The following CCNG2 variants were observed in gnomAD, a reference collection of about 807,000 sequenced individuals.
CCNG2 encodes cyclin-G2.
CCNG2 carries 20 observed loss-of-function variants against 36.5 expected under a neutral mutation model. The ratio of observed to expected loss-of-function variants is 0.55; its 90% CI spans 0.39 to 0.80. CCNG2 has a LOEUF of 0.80. Ranked by LOEUF, CCNG2 falls within the 30% of genes least tolerant of loss-of-function variation. The probability of loss-of-function intolerance (pLI) is 0.00; values close to 1 mark genes in which losing one functional copy is unlikely to be tolerated. For synonymous variants in CCNG2, 155 were observed against 140.1 expected (o/e 1.11, Z -0.75); for missense variants, 358 against 390.8 (o/e 0.92, Z 0.71).
At chr4:77,161,967 T>G (rs1447219828) in intron 6 of CCNG2, among the ~76,000 whole-genome samples, 1 of 150,826 alleles carries the variant, frequency 6.6e-6, no homozygotes, top group Non-Finnish European at 1.5e-5. Flanking sequence ...TTTCTGCATA[T>G]AGGTGCCCCT....
chr4:77,161,195 C>T (rs981946359), intron 4 of CCNG2, among the ~76,000 whole-genome samples: 21 of 148,610 alleles, frequency 1.4e-4, no homozygotes, highest in African/African-American at 4.2e-4. Context: ...CTCCACTTCC[C>T]GGGTTCAAGC....
Position 77,169,008 on chromosome 4 carries a change from T to C in CCNG2, c.*3084T>C, listed in dbSNP as rs1454523970. On this transcript the variant is annotated 3_prime_UTR_variant, in exon 8 of 8. Coordinates refer to ENST00000316355, the MANE Select transcript of CCNG2 (RefSeq NM_004354.3). Reference sequence around the variant, plus strand: ...TGCCTAGGTCCTGGGTCTTCATCTGTTTGGCTCTGCTACTGTTTCCTCCTC... The same window carrying C: ...TGCCTAGGTCCTGGGTCTTCATCTGCTTGGCTCTGCTACTGTTTCCTCCTC... 2 of 152,308 alleles carry C rather than the reference T, an allele frequency of 1.3e-5. No individual in the cohort carries two copies. Among genetic ancestry groups the C allele is most frequent in the Admixed American group, 1.3e-4 (2 of 15,274 alleles). 9.4% of individuals were successfully genotyped at this position (152,308 alleles called of 1,614,324 possible).
At chr4:77,161,623 T>A (rs752401767) in intron 5 of CCNG2, 26 bp from the exon 6 acceptor site, 31 of 1,562,594 alleles carry the variant, frequency 2.0e-5, no homozygotes, top group Non-Finnish European at 2.5e-5. Flanking sequence ...AAAAAATATT[T>A]TTCTTTTTTT....
chr4:77,162,376 A>ATTTTTT (rs35692387), intron 6 of CCNG2, among the ~76,000 whole-genome samples: 2 of 71,450 alleles, frequency 2.8e-5, no homozygotes, highest in Non-Finnish European at 5.2e-5. Context: ...GTACTTTGGG[A>ATTTTTT]TTTTTTTTTT....
chr4:77,163,779 ACTT>A (rs780932866), intron 6 of CCNG2, among the ~76,000 whole-genome samples: 14 of 152,322 alleles, frequency 9.2e-5, no homozygotes, highest in East Asian at 1.9e-4. Flanking sequence ...CATATCACTA[ACTT>A]CTTTAGTTTT....
In CCNG2 at chr4:77,166,534, T is replaced by A. The variant is rs543305039; in HGVS notation, c.*610T>A. Reference sequence around the variant, plus strand: ...ATATATGTAATGTCTTAATTGAGATTTCTGTTAAGGCAGAAATAATTAGGC... The same window carrying A: ...ATATATGTAATGTCTTAATTGAGATATCTGTTAAGGCAGAAATAATTAGGC... On this transcript the variant is annotated 3_prime_UTR_variant, in exon 8 of 8. Transcript: ENST00000316355. 1 of 152,342 alleles carries A rather than the reference T, an allele frequency of 6.6e-6. No individual in the cohort carries two copies. Among genetic ancestry groups the A allele is most frequent in the South Asian group, 2.1e-4 (1 of 4,828 alleles). 9.4% of individuals were successfully genotyped at this position (152,342 alleles called of 1,614,324 possible).
chr4:77,158,592 G>A lies in CCNG2; in HGVS notation c.60G>A (p.Leu20=), dbSNP rs1731338617. ...AGHEGVQLLG[L]LNVYLEQEER... ...ATGAAGGGGTCCAACTTCTCGGGTT[G>A]TTGAACGTCTACCTGGAACAAGAAG... The change falls in exon 2 of 8, where the codon TTG becomes TTA. Residue 20 remains leucine, a synonymous_variant. Coordinates refer to ENST00000316355, the MANE Select transcript of CCNG2 (RefSeq NM_004354.3). The A allele has an allele frequency of 1.2e-6, 2 of 1,614,178 alleles. No individual in the cohort carries two copies. Among genetic ancestry groups the A allele is most frequent in the Non-Finnish European group, 1.7e-6 (2 of 1,180,014 alleles).
At chr4:77,163,551 T>A (rs1204753136) in intron 6 of CCNG2, among the ~76,000 whole-genome samples, 2 of 152,240 alleles carry the variant, frequency 1.3e-5, no homozygotes, top group African/African-American at 4.8e-5. Flanking sequence ...CAGATAACTT[T>A]TTGCTTTAGT....
chr4:77,165,775 CT>C (rs761745402), intron 7 of CCNG2, 25 bp from the exon 8 acceptor site: 9 of 1,528,978 alleles, frequency 5.9e-6, no homozygotes, highest in East Asian at 4.7e-5. Context: ...ATGGTATCCT[CT>C]TTTTTTGTCT....
At chr4:77,164,953 G>A (rs1731590400) in intron 7 of CCNG2, 2 of 153,506 alleles carry the variant, frequency 1.3e-5, no homozygotes, top group African/African-American at 4.8e-5. Context: ...GCTTTGTAAT[G>A]TTAGTATGAA....
chr4:77,159,634 T>C (rs1339620704), intron 3 of CCNG2, 130 bp downstream of exon 3: 1 of 791,458 alleles, frequency 1.3e-6, no homozygotes, highest in East Asian at 2.7e-5. Context: ...ATCAGAATTG[T>C]GATCGTTAGT....
chr4:77,161,758 T>C lies in CCNG2; in HGVS notation c.705+11T>C. 2 of 1,543,804 alleles carry C rather than the reference T, an allele frequency of 1.3e-6. No individual in the cohort carries two copies. The highest frequency in any genetic ancestry group is 1.8e-6 in the Non-Finnish European group (2 of 1,135,460). On this transcript the variant is annotated intron_variant, in intron 6 of 7. Transcript: ENST00000316355. ...AAAAAACATTCCAAGGTAATTACAG[T>C]CATTATTCTTTAAGGCAAATTTTTT...
intron 4 of CCNG2, 128 bp downstream of exon 4, chr4:77,161,099 CTTTTTTTT>C (rs34505988): frequency 1.3e-5 from 4 of 304,558 alleles, no homozygotes; most frequent in South Asian, 6.8e-5. Context: ...ATTGGTAAAT[CTTTTTTTT>C]TTTTTTTTTT....
In CCNG2 at chr4:77,164,157, G is replaced by C. The variant is rs1427034790; in HGVS notation, c.706-117G>C. On this transcript the variant is annotated intron_variant, in intron 6 of 7. Transcript: ENST00000316355. ...AAATCAGAATACCAGGGGTGGAAGC[G>C]GGTAGTGGGAGCCAGGCATCTATAT... 6 of 663,628 alleles carry C rather than the reference G, an allele frequency of 9.0e-6. No homozygotes were observed. The South Asian group carries it at 1.1e-4, about 13-fold the overall frequency. 41.1% of individuals were successfully genotyped at this position (663,628 alleles called of 1,614,324 possible). A position where few individuals can be genotyped will look rare whatever the true frequency, so the allele number is the denominator to read the frequency against.
chr4:77,160,661 C>G (rs557377913), intron 3 of CCNG2, 60 bp from the exon 4 acceptor site: 8 of 1,535,408 alleles, frequency 5.2e-6, no homozygotes, highest in East Asian at 4.5e-5. Flanking sequence ...TTACAATATT[C>G]TAAGTATCTG....
chr4:77,161,343 C>G (rs1326838058), intron 4 of CCNG2, 137 bp from the exon 5 acceptor site: 1 of 635,120 alleles, frequency 1.6e-6, no homozygotes. Flanking sequence ...CTTAGGTGAT[C>G]CACCTGCTTC....
Position 77,167,940 on chromosome 4 carries a change from A to C in CCNG2, c.*2016A>C, listed in dbSNP as rs1731670504. ...AGTTGTTTGGGGCTTACCAAATCTCAAGACTCTCTTTAGCTCCTGCAGGAT... is the reference window on the plus strand; with the variant it reads ...AGTTGTTTGGGGCTTACCAAATCTCCAGACTCTCTTTAGCTCCTGCAGGAT... On this transcript the variant is annotated 3_prime_UTR_variant, in exon 8 of 8. Coordinates refer to ENST00000316355, the MANE Select transcript of CCNG2 (RefSeq NM_004354.3). The C allele has an allele frequency of 6.6e-6, 1 of 152,214 alleles. No homozygotes were observed. Among genetic ancestry groups the C allele is most frequent in the African/African-American group, 2.4e-5 (1 of 41,466 alleles). The allele number at this position is 152,214 out of a possible 1,614,324, so 9.4% of individuals were successfully genotyped here. A position where few individuals can be genotyped will look rare whatever the true frequency, so the allele number is the denominator to read the frequency against.
Position 77,164,327 on chromosome 4 carries a change from C to G in CCNG2, c.759C>G (p.Ala253=). 6.2e-7 allele frequency: 1 copy of G among 1,613,938 alleles called. No homozygotes were observed. The highest frequency in any genetic ancestry group is 8.5e-7 in the Non-Finnish European group (1 of 1,179,966). ...GAGAGTTGGTTTCTAAATGCCTAGCCGAGTATTCTTCTCCTGAATGTTGCA... is the reference window on the plus strand; with the variant it reads ...GAGAGTTGGTTTCTAAATGCCTAGCGGAGTATTCTTCTCCTGAATGTTGCA... ...YWRELVSKCL[A]EYSSPECCKP... The change falls in exon 7 of 8, where the codon GCC becomes GCG. Residue 253 remains alanine (A), a synonymous_variant. Transcript: ENST00000316355.
exon 8 of CCNG2, chr4:77,170,055 AAC>A (rs1340492311): frequency 9.8e-5 from 15 of 152,336 alleles, no homozygotes; most frequent in East Asian, 2.9e-3. Flanking sequence ...TGAACTTTAA[AAC>A]ACACACGCTG....
Sources: gnomAD v4.1 joint callset for allele counts (sites outside exome capture counted in the v4.1 genomes callset) on GRCh38, gnomAD v4.1.1 for gene constraint, MANE v1.5 for transcripts, NCBI Gene and HGNC (gene_info 2026-07-23, HGNC 2026-07-21) for gene names.